PDE4D: variants seen among roughly 807,000 people sequenced by gnomAD.
PDE4D encodes the protein 3',5'-cyclic-AMP phosphodiesterase 4D.
Under a neutral mutation model 87.4 loss-of-function variants are expected in PDE4D, and 24 were observed. That is an observed-to-expected ratio of 0.27 (90% CI 0.20 to 0.39). The LOEUF (loss-of-function observed/expected upper bound fraction) is 0.39, where lower values mean the gene tolerates loss of function less well. PDE4D is among the 10% of genes least tolerant of loss of function. The pLI is 1.00. For missense variants in PDE4D, 714 were observed against 1,041.0 expected, an observed-to-expected ratio of 0.69 and a Z score of 4.32; for synonymous variants, 384 against 383.2, an observed-to-expected ratio of 1.00 and a Z score of -0.02.
chr5:60,322,396 ACACACACACACAC>A (rs1397052901), intron 1 of PDE4D, among the ~76,000 whole-genome samples: 35 of 150,892 alleles, frequency 2.3e-4, no homozygotes, highest in African/African-American at 5.8e-4. Flanking sequence ...ACACACACAC[ACACACACACACAC>A]ACACACAAAA....
At chr5:59,963,629 A>G (rs1005001101) in intron 3 of PDE4D, among the ~76,000 whole-genome samples, 1 of 152,212 alleles carries the variant, frequency 6.6e-6, no homozygotes, top group Non-Finnish European at 1.5e-5. Context: ...TTGTGAAAAT[A>G]CGTGCCTAAA....
intron 2 of PDE4D, among the ~76,000 whole-genome samples, chr5:60,138,951 T>G (rs977318524): frequency 5.3e-5 from 8 of 152,206 alleles, no homozygotes; most frequent in African/African-American, 1.9e-4. Flanking sequence ...GGGGTTTTTT[T>G]GTTTTTAGCT....
rs1286544797 is a variant in PDE4D at position 59,200,263 on chromosome 5, A to C, written c.648-6727T>G. 1.8e-5 allele frequency among the ~76,000 whole-genome samples: 2 copies of C among 111,062 alleles called. 1 individual carries two copies. Among genetic ancestry groups the C allele is most frequent in the African/African-American group, 9.3e-5 (2 of 21,392 alleles). The allele number at this position is 111,062 out of a possible 152,430, so 72.9% of individuals were successfully genotyped here. On this transcript the variant is annotated intron_variant, in intron 2 of 14. Coordinates refer to ENST00000340635, the MANE Select transcript of PDE4D (RefSeq NM_001104631.2). ...TATGTACAGCTACACGTATACATAC[A>C]TATGTGTATGTACAGCTACAAGTAT... is the stretch of plus-strand genomic sequence containing the variant.
chr5:59,293,937 C>T (rs967511668), intron 1 of PDE4D, among the ~76,000 whole-genome samples: 5 of 152,192 alleles, frequency 3.3e-5, no homozygotes, highest in Non-Finnish European at 7.3e-5. Context: ...ACCACGACCA[C>T]GCTCACCTAT....
At chr5:59,785,403 C>T (rs182769123) in intron 1 of PDE4D, among the ~76,000 whole-genome samples, 22 of 152,230 alleles carry the variant, frequency 1.4e-4, no homozygotes, top group Non-Finnish European at 2.4e-4. Context: ...ATACAGCTAA[C>T]GTTTATTGAG....
In PDE4D at chr5:60,099,024, G is replaced by T. The variant is rs577618728; in HGVS notation, c.42+86533C>A. Among the ~76,000 whole-genome samples the T allele has an allele frequency of 2.0e-5, 3 of 152,046 alleles. No homozygotes were observed. In the South Asian group the frequency reaches 6.2e-4, roughly 32 times the overall value. The stretch of plus-strand genomic sequence containing the variant: ...ACTCTCTTAGCTTTCTTTTCTCTGG[G>T]AATGATTTTATGTCTCTTCATTTCT... On this transcript the variant is annotated intron_variant, in intron 2 of 16. Coordinates refer to the PDE4D transcript ENST00000502484.
intron 1 of PDE4D, among the ~76,000 whole-genome samples, chr5:59,672,909 T>G (rs890180751): frequency 3.9e-5 from 6 of 152,212 alleles, no homozygotes; most frequent in Non-Finnish European, 7.3e-5. Flanking sequence ...CTCACAAATG[T>G]ATTGTGTTTT....
intron 1 of PDE4D, among the ~76,000 whole-genome samples, chr5:60,193,669 CAAA>C (rs35340734): frequency 2.8e-4 from 13 of 46,868 alleles, no homozygotes; most frequent in African/African-American, 7.8e-4. Context: ...GACTCCGTCT[CAAA>C]AAAAAAAAAA....
intron 1 of PDE4D, among the ~76,000 whole-genome samples, chr5:59,723,332 T>C (rs1348397021): frequency 6.6e-6 from 1 of 152,092 alleles, no homozygotes; most frequent in African/African-American, 2.4e-5. Context: ...CAACATGTTT[T>C]CTTACCCATA....
At chr5:59,043,167 C>CA in intron 5 of PDE4D, among the ~76,000 whole-genome samples, 1 of 151,998 alleles carries the variant, frequency 6.6e-6, no homozygotes, top group South Asian at 2.1e-4. Context: ...AGAACAAGTC[C>CA]AAAAAATACC....
intron 1 of PDE4D, among the ~76,000 whole-genome samples, chr5:59,844,496 G>C (rs1236973589): frequency 1.3e-5 from 2 of 152,012 alleles, no homozygotes; most frequent in East Asian, 3.9e-4. Flanking sequence ...GCATAATAGA[G>C]TATGCATAGG....
intron 1 of PDE4D, among the ~76,000 whole-genome samples, chr5:59,626,123 T>C (rs1830879553): frequency 6.6e-6 from 1 of 152,098 alleles, no homozygotes; most frequent in South Asian, 2.1e-4. Flanking sequence ...AAAAAACCAA[T>C]GCCTGGTTTC....
intron 1 of PDE4D, among the ~76,000 whole-genome samples, chr5:60,416,610 C>A (rs923589393): frequency 2.6e-5 from 4 of 152,188 alleles, no homozygotes; most frequent in African/African-American, 4.8e-5. Context: ...CGAACACATC[C>A]GAACATCAGA....
At chr5:60,014,897 T>C (rs1765367981) in intron 2 of PDE4D, among the ~76,000 whole-genome samples, 1 of 152,188 alleles carries the variant, frequency 6.6e-6, no homozygotes, top group South Asian at 2.1e-4. Context: ...CAACAGGCAC[T>C]GAAAACAATG....
intron 1 of PDE4D, among the ~76,000 whole-genome samples, chr5:59,216,230 G>A (rs537935364): frequency 1.3e-5 from 2 of 152,200 alleles, no homozygotes; most frequent in South Asian, 4.2e-4. Context: ...CAGTTAAAAG[G>A]GAAACACTCT....
chr5:59,294,037 T>C (rs187345041), intron 1 of PDE4D, among the ~76,000 whole-genome samples: 202 of 152,310 alleles, frequency 1.3e-3, no homozygotes, highest in Non-Finnish European at 2.4e-3. Context: ...TTGCTGGGCA[T>C]GACTGGAAGC....
chr5:59,409,350 T>A (rs2153619657), intron 1 of PDE4D, among the ~76,000 whole-genome samples: 1 of 152,238 alleles, frequency 6.6e-6, no homozygotes, highest in Non-Finnish European at 1.5e-5. Context: ...TGAGAAGAGA[T>A]GATTCCATTT....
chr5:59,677,175 C>G (rs1044810088), intron 1 of PDE4D, among the ~76,000 whole-genome samples: 1 of 151,018 alleles, frequency 6.6e-6, no homozygotes, highest in African/African-American at 2.4e-5. Flanking sequence ...CCACAGAAAA[C>G]CATAGTTAAA....
intron 1 of PDE4D, among the ~76,000 whole-genome samples, chr5:59,410,060 T>A (rs1451875173): frequency 1.3e-5 from 2 of 152,232 alleles, no homozygotes; most frequent in Non-Finnish European, 2.9e-5. Flanking sequence ...ATTTATCATT[T>A]CTTTGTGTTA....
Sources: allele counts gnomAD v4.1 joint callset (sites outside exome capture counted in the v4.1 genomes callset), GRCh38; gene constraint gnomAD v4.1.1; transcripts MANE v1.5; gene names NCBI Gene and HGNC (gene_info 2026-07-23, HGNC 2026-07-21).